The following PPP4R3B variants were observed in gnomAD, a reference collection of about 807,000 sequenced individuals.
PPP4R3B encodes serine/threonine-protein phosphatase 4 regulatory subunit 3B.
In PPP4R3B, 52 loss-of-function variants were observed where a neutral mutation model predicts 95.4. The ratio of observed to expected loss-of-function variants is 0.54; its 90% CI spans 0.44 to 0.69. The LOEUF is 0.69. Among genes scored for constraint, PPP4R3B ranks in the 30% least tolerant of loss-of-function variants. The pLI, the probability that PPP4R3B is intolerant of heterozygous loss-of-function variation, is 0.00. For missense variants in PPP4R3B, 1,003 were observed against 1,005.9 expected (o/e 1.00, Z 0.04); for synonymous variants, 407 against 343.9 (o/e 1.18, Z -2.03).
At chr2:55,569,094 G>T (rs765969112) in intron 12 of PPP4R3B, among the ~76,000 whole-genome samples, 1 of 151,846 alleles carries the variant, frequency 6.6e-6, no homozygotes, top group Admixed American at 6.6e-5. Context: ...AATAATCCTC[G>T]CTCTACAATC....
intron 16 of PPP4R3B, among the ~76,000 whole-genome samples, chr2:55,552,190 G>T (rs1685325847): frequency 6.6e-6 from 1 of 152,114 alleles, no homozygotes; most frequent in African/African-American, 2.4e-5. Context: ...AATATGAAAT[G>T]TTGGAAGTAA....
At chr2:55,601,076 C>T (rs928993118) in intron 3 of PPP4R3B, among the ~76,000 whole-genome samples, 9 of 142,668 alleles carry the variant, frequency 6.3e-5, no homozygotes, top group African/African-American at 2.4e-4. Context: ...GCCTGGGAGG[C>T]AGAGGTTGCA....
chr2:55,567,917 A>C (rs1687515594), intron 13 of PPP4R3B: 1 of 178,938 alleles, frequency 5.6e-6, no homozygotes, highest in Non-Finnish European at 1.2e-5. Flanking sequence ...GACTATGCTG[A>C]ATTTCACTTT....
chr2:55,576,355 C>CAAA (rs200809964), intron 11 of PPP4R3B, among the ~76,000 whole-genome samples: 5,716 of 144,706 alleles, frequency 0.04, 140 homozygotes, highest in South Asian at 0.096. Flanking sequence ...CTCAAACAAA[C>CAAA]GAAAGCAATT....
At chr2:55,580,212 A>C (rs1190772706) in intron 8 of PPP4R3B, among the ~76,000 whole-genome samples, 4 of 152,180 alleles carry the variant, frequency 2.6e-5, no homozygotes, top group Non-Finnish European at 5.9e-5. Context: ...CTAACAATGT[A>C]TTACACTTGC....
intron 5 of PPP4R3B, among the ~76,000 whole-genome samples, chr2:55,588,514 A>AG (rs1251889659): frequency 2.2e-5 from 3 of 138,844 alleles, no homozygotes; most frequent in African/African-American, 5.2e-5. Context: ...ACTCCATCTC[A>AG]GAAAAAAAAA....
At chr2:55,564,827 A>C in intron 14 of PPP4R3B, 75 bp downstream of exon 14, 1 of 1,545,512 alleles carries the variant, frequency 6.5e-7, no homozygotes, top group Non-Finnish European at 8.8e-7. Context: ...AGTAAATTTC[A>C]CATGGAAAAT....
chr2:55,598,434 C>G lies in PPP4R3B; in HGVS notation c.903G>C (p.Glu301Asp), dbSNP rs773044373. The change falls in exon 4 of 17, where the codon GAG becomes GAC. Residue 301 changes from glutamate to aspartate, a missense_variant. By Grantham distance (45) the Glu-to-Asp change is conservative (BLOSUM62 2). This residue lies in a region of PPP4R3B where 695 missense variants were observed against 686.2 expected (regional missense o/e 1.01). Transcript: ENST00000616407. ...LTSFIFFNKV[E>D]IVSMLQEDEK... ...TACTTACCTGCAACATGCTGACTAT[C>G]TCAACTTTGTTGAAGAAAATAAAAG... 1.9e-6 allele frequency: 3 copies of G among 1,613,656 alleles called. No homozygotes were observed. The highest frequency in any genetic ancestry group is 2.5e-6 in the Non-Finnish European group (3 of 1,179,906).
At chr2:55,568,698 T>G (rs1372643044) in intron 12 of PPP4R3B, among the ~76,000 whole-genome samples, 2 of 152,042 alleles carry the variant, frequency 1.3e-5, no homozygotes, top group Non-Finnish European at 2.9e-5. Context: ...ATATGCAAAA[T>G]CCATAGACTG....
At chr2:55,589,721 C>A (rs560292189) in intron 4 of PPP4R3B, among the ~76,000 whole-genome samples, 1 of 151,082 alleles carries the variant, frequency 6.6e-6, no homozygotes. Context: ...CGAGACCACC[C>A]TGGCTAACAT....
chr2:55,582,294 G>A (rs908336039), intron 7 of PPP4R3B, among the ~76,000 whole-genome samples: 2 of 151,936 alleles, frequency 1.3e-5, no homozygotes, highest in East Asian at 3.9e-4. Flanking sequence ...ACGGAGTCTC[G>A]TTCTCTTGCC....
In PPP4R3B at chr2:55,547,434, T is replaced by G. The variant is rs1272397103; in HGVS notation, c.*2477A>C. On this transcript the variant is annotated 3_prime_UTR_variant, in exon 17 of 17. Transcript: ENST00000616407. ...GAAGATAAAGATATAAAAACCCAGA[T>G]CTGCCTGAGGGTAGTCGTTTAAAGA... The G allele has an allele frequency of 6.6e-6, 1 of 152,238 alleles. No individual in the cohort carries two copies. Among genetic ancestry groups the G allele is most frequent in the Non-Finnish European group, 1.5e-5 (1 of 68,048 alleles). The allele number at this position is 152,238 out of a possible 1,614,324, so 9.4% of individuals were successfully genotyped here. A position where few individuals can be genotyped will look rare whatever the true frequency, so the allele number is the denominator to read the frequency against.
chr2:55,562,770 G>C (rs570503619), intron 15 of PPP4R3B, among the ~76,000 whole-genome samples: 1 of 152,108 alleles, frequency 6.6e-6, no homozygotes, highest in East Asian at 1.9e-4. Context: ...TCTACATTGT[G>C]GTATCTAGCA....
At chr2:55,554,274 G>A (rs954996029) in intron 16 of PPP4R3B, among the ~76,000 whole-genome samples, 3 of 152,100 alleles carry the variant, frequency 2.0e-5, no homozygotes, top group Admixed American at 6.5e-5. Flanking sequence ...GGCTGGTCTC[G>A]AGCTCCTGGG....
chr2:55,598,322 C>A, intron 4 of PPP4R3B, 94 bp downstream of exon 4: 1 of 1,278,298 alleles, frequency 7.8e-7, no homozygotes, highest in East Asian at 2.5e-5. Context: ...CAAAATAAAT[C>A]TTTCAAAAAA....
At chr2:55,591,022 G>C (rs918519258) in intron 4 of PPP4R3B, among the ~76,000 whole-genome samples, 2 of 152,130 alleles carry the variant, frequency 1.3e-5, no homozygotes, top group Admixed American at 1.3e-4. Flanking sequence ...TCTGACTCAG[G>C]TGTTTCTTTT....
At chr2:55,568,640 T>C (rs887969449) in intron 12 of PPP4R3B, among the ~76,000 whole-genome samples, 1 of 152,192 alleles carries the variant, frequency 6.6e-6, no homozygotes, top group African/African-American at 2.4e-5. Context: ...AATTGGAATC[T>C]AGGAGATAAA....
chr2:55,577,167 G>A, intron 11 of PPP4R3B, 148 bp downstream of exon 11: 1 of 967,528 alleles, frequency 1.0e-6, no homozygotes, highest in Non-Finnish European at 1.4e-6. Context: ...TAATATTGGA[G>A]ATAGTGGAAT....
chr2:55,552,318 T>C (rs866266923), intron 16 of PPP4R3B, among the ~76,000 whole-genome samples: 80 of 73,178 alleles, frequency 1.1e-3, no homozygotes, highest in African/African-American at 2.6e-3. Context: ...TTTACAATCA[T>C]GTTCATATAA....
Sources: allele counts gnomAD v4.1 joint callset (sites outside exome capture counted in the v4.1 genomes callset), GRCh38; gene constraint gnomAD v4.1.1; regional missense constraint gnomAD v4.1.1; transcripts MANE v1.5; gene names NCBI Gene and HGNC (gene_info 2026-07-23, HGNC 2026-07-21).